PHLDB2: variants seen among roughly 807,000 people sequenced by gnomAD.
PHLDB2 encodes the protein pleckstrin homology like domain family B member 2, also known as pleckstrin homology-like domain family B member 2.
PHLDB2 carries 71 observed loss-of-function variants against 123.6 expected under a neutral mutation model. The ratio of observed to expected loss-of-function variants is 0.57; its 90% CI spans 0.47 to 0.70. The LOEUF (loss-of-function observed/expected upper bound fraction) is 0.70, where lower values mean the gene tolerates loss of function less well. Among genes scored for constraint, PHLDB2 ranks in the 30% least tolerant of loss-of-function variants. PHLDB2 has a pLI of 0.00. For synonymous variants in PHLDB2, 547 were observed against 541.6 expected, an observed-to-expected ratio of 1.01 and a Z score of -0.14; for missense variants, 1,446 against 1,519.5, an observed-to-expected ratio of 0.95 and a Z score of 0.80.
intron 1 of PHLDB2, among the ~76,000 whole-genome samples, chr3:111,861,302 G>A (rs1389584451): frequency 6.6e-6 from 1 of 152,164 alleles, no homozygotes; most frequent in African/African-American, 2.4e-5. Context: ...CATATCCTCT[G>A]CTTAGTTATT....
intron 1 of PHLDB2, among the ~76,000 whole-genome samples, chr3:111,874,777 C>A (rs1222769541): frequency 6.6e-6 from 1 of 152,144 alleles, no homozygotes; most frequent in African/African-American, 2.4e-5. Context: ...AACACTAATG[C>A]CTGCTAAATA....
intron 1 of PHLDB2, among the ~76,000 whole-genome samples, chr3:111,766,992 T>C (rs550214160): frequency 3.0e-4 from 40 of 133,474 alleles, no homozygotes; most frequent in Non-Finnish European, 4.8e-4. Context: ...GATTGTGCCA[T>C]TGCATTCCAG....
intron 1 of PHLDB2, among the ~76,000 whole-genome samples, chr3:111,828,423 A>G (rs539732257): frequency 1.3e-5 from 2 of 152,096 alleles, no homozygotes; most frequent in Non-Finnish European, 2.9e-5. Context: ...TCCCCTGCTC[A>G]GGTAATCTAT....
At chr3:111,794,158 T>C (rs917398864) in intron 1 of PHLDB2, among the ~76,000 whole-genome samples, 4 of 152,092 alleles carry the variant, frequency 2.6e-5, no homozygotes, top group African/African-American at 9.7e-5. Context: ...GTGGCGATGC[T>C]TTCCAGAACC....
At chr3:111,799,678 C>G (rs2061310789) in intron 1 of PHLDB2, among the ~76,000 whole-genome samples, 2 of 152,148 alleles carry the variant, frequency 1.3e-5, no homozygotes, top group African/African-American at 4.8e-5. Context: ...CCAGCAATTT[C>G]ACTGCTGGAA....
chr3:111,956,465 ATC>A (rs1375143537), intron 12 of PHLDB2, among the ~76,000 whole-genome samples: 1 of 152,186 alleles, frequency 6.6e-6, no homozygotes, highest in Non-Finnish European at 1.5e-5. Flanking sequence ...GCAAAATCAA[ATC>A]TGTCTTTGAT....
At chr3:111,914,697 A>G (rs1280146642) in intron 3 of PHLDB2, 1 of 152,042 alleles carries the variant, frequency 6.6e-6, no homozygotes, top group Non-Finnish European at 1.5e-5. Flanking sequence ...TGAGCCTTTT[A>G]TCATAACTAG....
Position 111,945,319 on chromosome 3 carries a change from G to A in PHLDB2, c.2449G>A (p.Gly817Arg), listed in dbSNP as rs1439884432. Reference sequence around the variant, plus strand: ...AAAGAAATACTCCAGCCTCTCTGGGGGGAAAGGGTTTCCCGTTAACCCCAA... The same window carrying A: ...AAAGAAATACTCCAGCCTCTCTGGGAGGAAAGGGTTTCCCGTTAACCCCAA... ...LEKKYSSLSGGKGFPVNPNTL... is the reference protein window; with the variant it reads ...LEKKYSSLSGRKGFPVNPNTL... Residue 817 changes from glycine (G) to arginine (R), a missense_variant, in exon 9 of 18, where the codon GGG (glycine) becomes AGG (arginine). Coordinates refer to ENST00000431670, the MANE Select transcript of PHLDB2 (RefSeq NM_001134438.2). The A allele has an allele frequency of 2.5e-6, 4 of 1,610,878 alleles. No homozygotes were observed. The highest frequency in any genetic ancestry group is 1.7e-6 in the Non-Finnish European group (2 of 1,177,512).
At position 111,881,617 on chromosome 3, in the gene PHLDB2, T is replaced by C. The variant is rs188899669; in HGVS notation, c.-14-2447T>C. ...TTTATGCAACCATGATATAATATCATATTTTTATGTTTGTTTATATTTCTC... is the reference window on the plus strand; with the variant it reads ...TTTATGCAACCATGATATAATATCACATTTTTATGTTTGTTTATATTTCTC... On this transcript the variant is annotated intron_variant, in intron 1 of 17. Transcript: ENST00000431670. Among the ~76,000 whole-genome samples, 116 of 152,258 alleles carry C rather than the reference T, an allele frequency of 7.6e-4. No individual in the cohort carries two copies. In the East Asian group the frequency reaches 0.01, roughly 13 times the overall value.
intron 1 of PHLDB2, among the ~76,000 whole-genome samples, chr3:111,806,877 C>CT (rs1453501286): frequency 1.3e-5 from 2 of 151,734 alleles, no homozygotes; most frequent in Non-Finnish European, 2.9e-5. Flanking sequence ...CTCAAGCACC[C>CT]TTCCTGCCTT....
intron 1 of PHLDB2, among the ~76,000 whole-genome samples, chr3:111,822,502 A>G (rs4443148): frequency 0.21 from 31,882 of 151,972 alleles, 5,227 homozygotes; most frequent in African/African-American, 0.44. Flanking sequence ...AACTGTCAGA[A>G]TTGAAAATCT....
chr3:111,845,354 C>CAAAAAAAA (rs745585464), intron 1 of PHLDB2, among the ~76,000 whole-genome samples: 7 of 39,162 alleles, frequency 1.8e-4, no homozygotes, highest in Admixed American at 5.1e-4. Flanking sequence ...GACTCTGTCT[C>CAAAAAAAA]AAAAAAAAAA....
chr3:111,961,081 C>A (rs2071382277), intron 12 of PHLDB2, among the ~76,000 whole-genome samples: 1 of 152,122 alleles, frequency 6.6e-6, no homozygotes, highest in South Asian at 2.1e-4. Flanking sequence ...GCCTGTAATC[C>A]CAGCACTTTG....
At chr3:111,900,413 C>A (rs1020084199) in intron 2 of PHLDB2, among the ~76,000 whole-genome samples, 1 of 152,154 alleles carries the variant, frequency 6.6e-6, no homozygotes, top group African/African-American at 2.4e-5. Flanking sequence ...TTCAGTTGAA[C>A]ACTTAGAGGC....
intron 2 of PHLDB2, among the ~76,000 whole-genome samples, chr3:111,888,445 A>G (rs984779962): frequency 6.6e-6 from 1 of 152,180 alleles, no homozygotes; most frequent in Non-Finnish European, 1.5e-5. Flanking sequence ...AGAATTGTGT[A>G]TACCTGAGAG....
chr3:111,904,250 C>G (rs1233152937), intron 2 of PHLDB2, among the ~76,000 whole-genome samples: 1 of 116,280 alleles, frequency 8.6e-6, no homozygotes, highest in Non-Finnish European at 1.6e-5. Flanking sequence ...TGCACTATAG[C>G]CTGGGTGACA....
intron 1 of PHLDB2, among the ~76,000 whole-genome samples, chr3:111,786,304 G>T (rs1675731511): frequency 6.6e-6 from 1 of 152,136 alleles, no homozygotes; most frequent in Non-Finnish European, 1.5e-5. Context: ...CACAGATGCA[G>T]TTTTTTTCCC....
chr3:111,732,757 C>A, intron 1 of PHLDB2: 3 of 1,393,346 alleles, frequency 2.2e-6, no homozygotes, highest in Non-Finnish European at 2.9e-6. Flanking sequence ...AAATGAGCAG[C>A]ATATACAGCC....
intron 2 of PHLDB2, among the ~76,000 whole-genome samples, chr3:111,849,809 A>T (rs2064168772): frequency 6.6e-6 from 1 of 152,212 alleles, no homozygotes; most frequent in African/African-American, 2.4e-5. Flanking sequence ...CTATTCAGCC[A>T]TTAAAAAGCA....
Sources: gnomAD v4.1 joint callset for allele counts (sites outside exome capture counted in the v4.1 genomes callset) on GRCh38, gnomAD v4.1.1 for gene constraint, MANE v1.5 for transcripts, NCBI Gene and HGNC (gene_info 2026-07-23, HGNC 2026-07-21) for gene names.